The following PRKN variants were observed in gnomAD, a reference collection of about 807,000 sequenced individuals.
The protein encoded by PRKN is parkin RBR E3 ubiquitin protein ligase, also known as E3 ubiquitin-protein ligase parkin.
Under a neutral mutation model 59.5 loss-of-function variants are expected in PRKN, and 56 were observed. That is an observed-to-expected ratio of 0.94 (90% confidence interval 0.76 to 1.18). The LOEUF (loss-of-function observed/expected upper bound fraction) is 1.18. Among genes scored for constraint, PRKN ranks in the 50% most tolerant of loss-of-function variants. The pLI is 0.00. For synonymous variants in PRKN, 250 were observed against 222.1 expected, an observed-to-expected ratio of 1.13 and a Z score of -1.12; for missense variants, 657 against 596.4, an observed-to-expected ratio of 1.10 and a Z score of -1.06.
intron 1 of PRKN, among the ~76,000 whole-genome samples, chr6:162,702,821 T>C (rs1289502072): frequency 6.6e-6 from 1 of 152,184 alleles, no homozygotes. Context: ...TGTTGACAAG[T>C]GAGAGATGTT....
chr6:162,077,539 T>C (rs1485745700), intron 4 of PRKN, among the ~76,000 whole-genome samples: 21 of 152,058 alleles, frequency 1.4e-4, no homozygotes, highest in Non-Finnish European at 7.3e-5. Context: ...AGGAGGTCTC[T>C]TATAAATTGC....
chr6:162,557,565 A>G (rs1779659083), intron 1 of PRKN, among the ~76,000 whole-genome samples: 1 of 152,098 alleles, frequency 6.6e-6, no homozygotes, highest in South Asian at 2.1e-4. Context: ...CCAGGCTGGA[A>G]TGCAGTGGCA....
At chr6:162,712,972 C>T (rs769644065) in intron 1 of PRKN, among the ~76,000 whole-genome samples, 5 of 152,214 alleles carry the variant, frequency 3.3e-5, no homozygotes, top group Non-Finnish European at 5.9e-5. Flanking sequence ...ACCACCACTT[C>T]ACCACACTAG....
At chr6:162,067,827 G>C (rs1778401529) in intron 4 of PRKN, among the ~76,000 whole-genome samples, 1 of 152,146 alleles carries the variant, frequency 6.6e-6, no homozygotes, top group African/African-American at 2.4e-5. Flanking sequence ...TATGTCCAAG[G>C]CTACAAGTTT....
In PRKN at chr6:161,457,171, G is replaced by A. The variant is rs767621102; in HGVS notation, c.1084-70294C>T. On this transcript the variant is annotated intron_variant, in intron 9 of 11. Transcript: ENST00000366898. The surrounding 1 kb of genome is among the most constrained non-coding windows in gnomAD (Gnocchi z 5.0). ...ACTCGGTACACCCAGTTTTACCAAA[G>A]TTAAACCCATGAGATTTTGTAATAA... 6.6e-6 allele frequency among the ~76,000 whole-genome samples: 1 copy of A among 152,220 alleles called. No individual in the cohort carries two copies. Among genetic ancestry groups the A allele is most frequent in the Admixed American group, 6.5e-5 (1 of 15,288 alleles).
At chr6:161,751,685 G>T (rs900350606) in intron 7 of PRKN, among the ~76,000 whole-genome samples, 1 of 152,194 alleles carries the variant, frequency 6.6e-6, no homozygotes, top group East Asian at 1.9e-4. Flanking sequence ...GGAGAATTCA[G>T]CTGTGAGCCA....
At chr6:162,035,199 T>C (rs1783793937) in intron 5 of PRKN, among the ~76,000 whole-genome samples, 1 of 151,990 alleles carries the variant, frequency 6.6e-6, no homozygotes, top group Non-Finnish European at 1.5e-5. Flanking sequence ...TAGGCTCTTT[T>C]TAACAATCAG....
At chr6:161,672,604 C>T (rs1188492293) in intron 7 of PRKN, among the ~76,000 whole-genome samples, 5 of 152,028 alleles carry the variant, frequency 3.3e-5, no homozygotes, top group East Asian at 3.9e-4. Flanking sequence ...GGTGAAAACC[C>T]GTCTCTATGA....
intron 9 of PRKN, among the ~76,000 whole-genome samples, chr6:161,425,698 C>T (rs1488886742): frequency 1.3e-5 from 2 of 152,248 alleles, no homozygotes; most frequent in African/African-American, 4.8e-5. Context: ...AAGATTACAA[C>T]TAAGTATCTT....
chr6:162,312,138 AAATGGG>A (rs1782543509), intron 2 of PRKN, among the ~76,000 whole-genome samples: 1 of 152,102 alleles, frequency 6.6e-6, no homozygotes, highest in Non-Finnish European at 1.5e-5. Context: ...TTAAGATAAC[AAATGGG>A]TCTTTTCTCT....
At chr6:162,379,445 T>C (rs144184709) in intron 2 of PRKN, among the ~76,000 whole-genome samples, 2 of 152,160 alleles carry the variant, frequency 1.3e-5, no homozygotes, top group East Asian at 1.9e-4. Flanking sequence ...GAGAAAGATA[T>C]TTGACATACT....
chr6:161,624,628 A>G (rs140963638), intron 7 of PRKN, among the ~76,000 whole-genome samples: 278 of 152,360 alleles, frequency 1.8e-3, no homozygotes, highest in Admixed American at 3.4e-3. Context: ...CACTGGGAGA[A>G]AAACACATTC....
At chr6:162,604,013 G>T (rs1781808064) in intron 1 of PRKN, among the ~76,000 whole-genome samples, 1 of 152,148 alleles carries the variant, frequency 6.6e-6, no homozygotes, top group Admixed American at 6.5e-5. Flanking sequence ...CTTTTCAGCA[G>T]AGTTATTAAC....
At chr6:161,830,411 C>T (rs1004178976) in intron 6 of PRKN, among the ~76,000 whole-genome samples, 4 of 152,058 alleles carry the variant, frequency 2.6e-5, no homozygotes, top group Admixed American at 2.0e-4. Flanking sequence ...GCCACCATGC[C>T]GAGCTAATTT....
chr6:162,505,287 C>T (rs1457486726), intron 1 of PRKN, among the ~76,000 whole-genome samples: 2 of 151,968 alleles, frequency 1.3e-5, no homozygotes, highest in African/African-American at 4.8e-5. Flanking sequence ...TGGCAACATA[C>T]AAAATGTTTA....
chr6:162,654,665 T>C (rs1778571569), intron 1 of PRKN, among the ~76,000 whole-genome samples: 1 of 152,222 alleles, frequency 6.6e-6, no homozygotes, highest in African/African-American at 2.4e-5. Flanking sequence ...TATTAGTCCA[T>C]TCTCATGCTG....
intron 7 of PRKN, among the ~76,000 whole-genome samples, chr6:161,650,433 T>A (rs1424721102): frequency 6.6e-6 from 1 of 152,154 alleles, no homozygotes; most frequent in African/African-American, 2.4e-5. Flanking sequence ...TGTCTTTCTC[T>A]ACTCCCCAGC....
At chr6:162,012,634 T>C (rs987348507) in intron 5 of PRKN, among the ~76,000 whole-genome samples, 10 of 152,130 alleles carry the variant, frequency 6.6e-5, no homozygotes, top group African/African-American at 2.2e-4. Context: ...ATTGAGCAAA[T>C]CTGATCCTTA....
chr6:161,911,759 A>G (rs1329417079), intron 6 of PRKN, among the ~76,000 whole-genome samples: 1 of 152,218 alleles, frequency 6.6e-6, no homozygotes, highest in Non-Finnish European at 1.5e-5. Context: ...GTAATACAGT[A>G]CTGGAACAGG....
Sources: allele counts gnomAD v4.1 joint callset (sites outside exome capture counted in the v4.1 genomes callset), GRCh38; gene constraint gnomAD v4.1.1; non-coding constraint Gnocchi (gnomAD v3.1); transcripts MANE v1.5; gene names NCBI Gene and HGNC (gene_info 2026-07-23, HGNC 2026-07-21).